Variants in ST7L observed in about 807,000 individuals in gnomAD.
ST7L encodes the protein suppressor of tumorigenicity 7 protein-like.
Under a neutral mutation model 72.5 loss-of-function variants are expected in ST7L, and 57 were observed. That is an observed-to-expected ratio of 0.79 (90% CI 0.64 to 0.98). The LOEUF is 0.98. Among genes scored for constraint, ST7L ranks in the 50% least tolerant of loss-of-function variants. The pLI is 0.00. For missense variants in ST7L, 576 were observed against 672.2 expected (o/e 0.86, Z 1.58); for synonymous variants, 221 against 240.9 (o/e 0.92, Z 0.77).
At position 112,600,847 on chromosome 1, in the gene ST7L, T is replaced by A; in HGVS notation, c.453A>T (p.Glu151Asp). The A allele has an allele frequency of 6.2e-7, 1 of 1,607,922 alleles. No individual in the cohort carries two copies. The highest frequency in any genetic ancestry group is 8.5e-7 in the Non-Finnish European group (1 of 1,176,678). ...TTAGAGGGTTTCTCCATACCTTACA[T>A]TCTGAAAAACAAGGGAGAAAAAGGG... is the stretch of plus-strand genomic sequence containing the variant. ...ENETSRQNLS[E>D]CKVWRNPLNL... The change falls in exon 4 of 15, where the codon GAA becomes GAT. Residue 151 changes from glutamate (E) to aspartate (D), a missense_variant and splice_region_variant. Physicochemically the swap from Glu to Asp is conservative, Grantham distance 45 (BLOSUM62 2). This residue lies in a region of ST7L where 511 missense variants were observed against 600.7 expected (regional missense o/e 0.85). Transcript: ENST00000358039.
At chr1:112,582,724 C>G (rs1380588052) in intron 7 of ST7L, among the ~76,000 whole-genome samples, 1 of 151,926 alleles carries the variant, frequency 6.6e-6, no homozygotes, top group Non-Finnish European at 1.5e-5. Flanking sequence ...ATTTTTGCCT[C>G]TAATAGTAAC....
chr1:112,553,872 C>A (rs762776762), intron 12 of ST7L, among the ~76,000 whole-genome samples: 12 of 152,082 alleles, frequency 7.9e-5, no homozygotes, highest in Non-Finnish European at 1.3e-4. Flanking sequence ...TTGAATTATT[C>A]TTATTATTAT....
chr1:112,535,391 TAATAAG>T lies in ST7L; in HGVS notation c.1629+6554_1629+6559del, dbSNP rs1472055128. On this transcript the variant is annotated intron_variant, in intron 14 of 14. Transcript: ENST00000358039. Reference sequence around the variant, plus strand: ...TGTCTCCAAATAATAATACTAATAATAATAAGAAGAAGAAGAAGAAGAAGAAGAAGA... The same window carrying T: ...TGTCTCCAAATAATAATACTAATAATAAGAAGAAGAAGAAGAAGAAGAAGA... Among the ~76,000 whole-genome samples, 15 of 148,092 alleles carry T rather than the reference TAATAAG, an allele frequency of 1.0e-4. No individual in the cohort carries two copies. In the South Asian group the frequency reaches 3.3e-3, roughly 32 times the overall value.
At position 112,597,996 on chromosome 1, in the gene ST7L, T is replaced by C; in HGVS notation, c.597A>G (p.Thr199=). 6.2e-7 allele frequency: 1 copy of C among 1,613,610 alleles called. No individual in the cohort carries two copies. The highest frequency in any genetic ancestry group is 8.5e-7 in the Non-Finnish European group (1 of 1,179,762). ...QDHQTFFTCD[T]DFLRPSDTVM... is the part of the protein sequence containing the mutation. ...CTGTGTCTGAAGGACGTAAAAAATCTGTGTCACAGGTGAAAAAGGTCTGAT... is the reference window on the plus strand; with the variant it reads ...CTGTGTCTGAAGGACGTAAAAAATCCGTGTCACAGGTGAAAAAGGTCTGAT... The change falls in exon 5 of 15, where the codon ACA becomes ACG. Residue 199 remains threonine, a synonymous_variant. Coordinates refer to ENST00000358039, the MANE Select transcript of ST7L (RefSeq NM_017744.5).
intron 6 of ST7L, among the ~76,000 whole-genome samples, chr1:112,586,584 C>A (rs1664900631): frequency 6.6e-6 from 1 of 152,016 alleles, no homozygotes; most frequent in Non-Finnish European, 1.5e-5. Context: ...TAATTATATG[C>A]TTATATTTTG....
intron 9 of ST7L, among the ~76,000 whole-genome samples, chr1:112,581,611 CCCATGCTGGTCTCCAACTCCTGGGCTCA>C (rs1460483428): frequency 2.0e-5 from 3 of 151,968 alleles, no homozygotes; most frequent in Non-Finnish European, 4.4e-5. Context: ...TGCCATGTTG[CCCATGCTGGTCTCCAACTCCTGGGCTCA>C]AGTGATCCTC....
intron 1 of ST7L, among the ~76,000 whole-genome samples, chr1:112,617,677 C>T (rs1455271399): frequency 1.3e-5 from 2 of 150,600 alleles, no homozygotes; most frequent in East Asian, 3.9e-4. Flanking sequence ...TACACTTCAG[C>T]CTGGGTGACA....
At chr1:112,610,571 G>A (rs1668920706) in intron 3 of ST7L, 2 of 347,842 alleles carry the variant, frequency 5.7e-6, no homozygotes, top group South Asian at 8.5e-5. Context: ...CACAGACGGC[G>A]CCTTCTCGTG....
At chr1:112,580,793 T>G (rs912916235) in intron 9 of ST7L, among the ~76,000 whole-genome samples, 7 of 152,074 alleles carry the variant, frequency 4.6e-5, no homozygotes, top group Admixed American at 1.3e-4. Context: ...CCAGACATGG[T>G]GGCAGGCACC....
chr1:112,598,736 A>G (rs1666872648), intron 4 of ST7L, among the ~76,000 whole-genome samples: 1 of 151,906 alleles, frequency 6.6e-6, no homozygotes, highest in African/African-American at 2.4e-5. Context: ...ATTCAAAAGA[A>G]GCATAAGGAT....
At chr1:112,587,723 C>T (rs753082106) in intron 6 of ST7L, among the ~76,000 whole-genome samples, 6 of 152,118 alleles carry the variant, frequency 3.9e-5, no homozygotes, top group Non-Finnish European at 5.9e-5. Flanking sequence ...TGTAGCTTTG[C>T]GGTAAGTTTT....
At chr1:112,589,162 T>C (rs796505488) in intron 6 of ST7L, among the ~76,000 whole-genome samples, 2 of 152,208 alleles carry the variant, frequency 1.3e-5, no homozygotes, top group South Asian at 4.1e-4. Flanking sequence ...GTTCCTTTAC[T>C]TCCTTCATCA....
chr1:112,570,545 GTATATATA>G lies in ST7L; in HGVS notation c.1245+6433_1245+6440del, dbSNP rs71584748. Among the ~76,000 whole-genome samples, 912 of 130,912 alleles carry G rather than the reference GTATATATA, an allele frequency of 7.0e-3. 11 individuals are homozygous for G. The highest frequency in any genetic ancestry group is 0.023 in the African/African-American group (861 of 37,262). 85.9% of individuals were successfully genotyped at this position (130,912 alleles called of 152,430 possible). A position where few individuals can be genotyped will look rare whatever the true frequency, so the allele number is the denominator to read the frequency against. On this transcript the variant is annotated intron_variant, in intron 11 of 14. Transcript: ENST00000358039. ...TAATAAATTTGTGAGAATAAAAGAT[GTATATATA>G]TATATATATATATATATACACACAC...
chr1:112,619,255 A>C (rs1374099747), upstream of ST7L: 1 of 749,558 alleles, frequency 1.3e-6, no homozygotes, highest in Non-Finnish European at 2.1e-6. Context: ...AAGATTTCGA[A>C]GGTGGAGGAG....
intron 14 of ST7L, among the ~76,000 whole-genome samples, chr1:112,536,435 T>C (rs1021248140): frequency 2.0e-5 from 3 of 152,162 alleles, no homozygotes; most frequent in Admixed American, 1.3e-4. Flanking sequence ...AGATCAATCT[T>C]TTCCCTGAAA....
chr1:112,607,838 G>A (rs1247517062), intron 3 of ST7L, among the ~76,000 whole-genome samples: 1 of 152,096 alleles, frequency 6.6e-6, no homozygotes, highest in Non-Finnish European at 1.5e-5. Context: ...GGCCATTAAA[G>A]GTGGAAAATT....
intron 11 of ST7L, among the ~76,000 whole-genome samples, chr1:112,559,843 G>A (rs2101641875): frequency 6.6e-6 from 1 of 151,950 alleles, no homozygotes; most frequent in South Asian, 2.1e-4. Context: ...GCCAGGCGTG[G>A]TGGCGGGCAC....
chr1:112,606,370 C>A (rs1668244293), intron 3 of ST7L, among the ~76,000 whole-genome samples: 1 of 152,170 alleles, frequency 6.6e-6, no homozygotes, highest in Admixed American at 6.6e-5. Context: ...TATCCAATGT[C>A]ATTGCTCTCA....
intron 12 of ST7L, 72 bp downstream of exon 12, chr1:112,555,796 T>C: frequency 7.5e-7 from 1 of 1,333,216 alleles, no homozygotes. Flanking sequence ...GACAATCTCA[T>C]TTAAAAAGAC....
Sources: allele counts gnomAD v4.1 joint callset (sites outside exome capture counted in the v4.1 genomes callset), GRCh38; gene constraint gnomAD v4.1.1; regional missense constraint gnomAD v4.1.1; transcripts MANE v1.5; gene names NCBI Gene and HGNC (gene_info 2026-07-23, HGNC 2026-07-21).